The following KCNMA1 variants were observed in gnomAD, a reference collection of about 807,000 sequenced individuals.
KCNMA1 encodes the protein potassium calcium-activated channel subfamily M alpha 1.
KCNMA1 carries 29 observed loss-of-function variants against 140.0 expected under a neutral mutation model. That is an observed-to-expected ratio of 0.21 (90% CI 0.15 to 0.28). The LOEUF (loss-of-function observed/expected upper bound fraction) is 0.28, where lower values mean the gene tolerates loss of function less well. KCNMA1 is among the 10% of genes least tolerant of loss of function. The pLI is 1.00. For missense variants in KCNMA1, 880 were observed against 1,602.2 expected (o/e 0.55, Z 7.70); for synonymous variants, 612 against 611.9 (o/e 1.00, Z 0.00).
chr10:77,348,181 G>A (rs373407696), intron 2 of KCNMA1, among the ~76,000 whole-genome samples: 1 of 152,252 alleles, frequency 6.6e-6, no homozygotes, highest in East Asian at 1.9e-4. Context: ...TAAATACGAG[G>A]AAACCATCAA....
chr10:77,590,934 C>T (rs1247660144), intron 1 of KCNMA1, among the ~76,000 whole-genome samples: 1 of 152,194 alleles, frequency 6.6e-6, no homozygotes, highest in Non-Finnish European at 1.5e-5. Context: ...CAGGAAGAAA[C>T]CAAGGGTGGC....
At chr10:77,593,664 G>C (rs554196874) in intron 1 of KCNMA1, among the ~76,000 whole-genome samples, 2 of 152,358 alleles carry the variant, frequency 1.3e-5, no homozygotes, top group African/African-American at 4.8e-5. Context: ...CTTTGGCATA[G>C]ATGAGGAAAC....
chr10:77,403,516 C>T (rs1379469487), intron 2 of KCNMA1, among the ~76,000 whole-genome samples: 5 of 152,140 alleles, frequency 3.3e-5, no homozygotes, highest in Admixed American at 2.6e-4. Flanking sequence ...ATTTGTAGCC[C>T]TTCCATGAGT....
chr10:77,633,165 A>C (rs945922194), intron 1 of KCNMA1, among the ~76,000 whole-genome samples: 1 of 152,144 alleles, frequency 6.6e-6, no homozygotes, highest in African/African-American at 2.4e-5. Flanking sequence ...AAATACAAAA[A>C]TTAGCCAGGT....
chr10:77,612,186 A>T lies in KCNMA1; in HGVS notation c.378+25079T>A, dbSNP rs138861973. On this transcript the variant is annotated intron_variant, in intron 1 of 27. Transcript: ENST00000286628. ...CCTTGCTCCTGCAAATCCCAAAGAT[A>T]ATGTGCACATTTCACGGACATGGCC... Among the ~76,000 whole-genome samples, 84 of 152,302 alleles carry T rather than the reference A, an allele frequency of 5.5e-4. No individual in the cohort carries two copies. In the East Asian group the frequency reaches 0.013, roughly 23 times the overall value.
intron 9 of KCNMA1, among the ~76,000 whole-genome samples, chr10:77,100,226 T>C (rs1042122513): frequency 6.6e-6 from 1 of 152,188 alleles, no homozygotes; most frequent in Non-Finnish European, 1.5e-5. Context: ...TGAGCCAATA[T>C]GTTAGAATGG....
intron 6 of KCNMA1, among the ~76,000 whole-genome samples, chr10:77,117,287 A>G (rs1483377376): frequency 6.6e-6 from 1 of 152,056 alleles, no homozygotes; most frequent in African/African-American, 2.4e-5. Context: ...AGTGGCTCAC[A>G]CCTGTAATCC....
chr10:77,371,190 C>T (rs1372819153), intron 2 of KCNMA1, among the ~76,000 whole-genome samples: 1 of 152,192 alleles, frequency 6.6e-6, no homozygotes, highest in Non-Finnish European at 1.5e-5. Context: ...TGTTTCCCTT[C>T]TATTTGTCCT....
At chr10:77,414,116 T>C (rs1275572052) in intron 1 of KCNMA1, among the ~76,000 whole-genome samples, 1 of 152,194 alleles carries the variant, frequency 6.6e-6, no homozygotes, top group African/African-American at 2.4e-5. Flanking sequence ...ATCTTGTGCC[T>C]CAGGTTTCTT....
intron 1 of KCNMA1, among the ~76,000 whole-genome samples, chr10:77,528,590 C>G (rs2056621116): frequency 7.0e-6 from 1 of 143,764 alleles, no homozygotes; most frequent in Non-Finnish European, 1.5e-5. Flanking sequence ...GCCTGGGTGA[C>G]AGAGTGAGAG....
At chr10:76,991,246 A>G (rs577523656) in intron 19 of KCNMA1, among the ~76,000 whole-genome samples, 1 of 152,194 alleles carries the variant, frequency 6.6e-6, no homozygotes, top group Non-Finnish European at 1.5e-5. Context: ...TGTGAATGTC[A>G]CAAGTCCTTG....
At chr10:77,268,215 G>C (rs1385215096) in intron 2 of KCNMA1, among the ~76,000 whole-genome samples, 1 of 152,176 alleles carries the variant, frequency 6.6e-6, no homozygotes, top group African/African-American at 2.4e-5. Flanking sequence ...CAGTGCTCCT[G>C]TAGCCACTCT....
intron 2 of KCNMA1, among the ~76,000 whole-genome samples, chr10:77,387,581 T>C (rs536977846): frequency 6.7e-6 from 1 of 150,316 alleles, no homozygotes; most frequent in South Asian, 2.1e-4. Context: ...CTTTTTTTTC[T>C]TTTCTCTTTT....
chr10:77,422,302 G>A (rs967069962), intron 1 of KCNMA1, among the ~76,000 whole-genome samples: 1 of 152,184 alleles, frequency 6.6e-6, no homozygotes, highest in Admixed American at 6.5e-5. Flanking sequence ...TTCCAATTCA[G>A]TAGGCTTAGG....
intron 20 of KCNMA1, among the ~76,000 whole-genome samples, chr10:76,960,370 T>C (rs1231662546): frequency 6.6e-6 from 1 of 151,910 alleles, no homozygotes; most frequent in Non-Finnish European, 1.5e-5. Flanking sequence ...TAAAACCCCA[T>C]CTCTACAAAA....
At chr10:77,234,475 T>C (rs2054713008) in intron 3 of KCNMA1, among the ~76,000 whole-genome samples, 2 of 152,246 alleles carry the variant, frequency 1.3e-5, no homozygotes, top group South Asian at 2.1e-4. Flanking sequence ...AGCCATTCAA[T>C]AAATATTTAT....
At chr10:77,419,327 A>T (rs2154483915) in intron 1 of KCNMA1, among the ~76,000 whole-genome samples, 1 of 152,288 alleles carries the variant, frequency 6.6e-6, no homozygotes, top group East Asian at 1.9e-4. Context: ...ACGTCTCCAT[A>T]ACAACTAACC....
At chr10:76,951,934 A>C in intron 21 of KCNMA1, 7 of 1,106,176 alleles carry the variant, frequency 6.3e-6, no homozygotes, top group Non-Finnish European at 5.2e-6. Flanking sequence ...GTTGTCAGGG[A>C]TTGCATCTCC....
chr10:77,149,569 A>G (rs2098381792), intron 5 of KCNMA1, among the ~76,000 whole-genome samples: 1 of 152,212 alleles, frequency 6.6e-6, no homozygotes, highest in Admixed American at 6.5e-5. Context: ...TTGTTTTGTT[A>G]GAGACTTTTG....
Sources: allele counts gnomAD v4.1 joint callset (sites outside exome capture counted in the v4.1 genomes callset), GRCh38; gene constraint gnomAD v4.1.1; transcripts MANE v1.5; gene names NCBI Gene and HGNC (gene_info 2026-07-23, HGNC 2026-07-21).